The following SLC2A13 variants were observed in gnomAD, a reference collection of about 807,000 sequenced individuals.
SLC2A13 encodes the protein proton myo-inositol cotransporter.
SLC2A13 carries 32 observed loss-of-function variants against 64.4 expected under a neutral mutation model. The observed-to-expected ratio is 0.50, with a 90% CI of 0.37 to 0.67. The LOEUF is 0.67. SLC2A13 is among the 30% of genes least tolerant of loss of function. The pLI, the probability that SLC2A13 is intolerant of heterozygous loss-of-function variation, is 0.00. For missense variants in SLC2A13, 743 were observed against 829.2 expected (o/e 0.90, Z 1.28); for synonymous variants, 338 against 327.1 (o/e 1.03, Z -0.36).
intron 6 of SLC2A13, among the ~76,000 whole-genome samples, chr12:39,835,272 T>A (rs918449577): frequency 6.6e-6 from 1 of 152,042 alleles, no homozygotes; most frequent in African/African-American, 2.4e-5. Context: ...CACCCAGTTC[T>A]AAGATTGTAC....
chr12:39,971,259 G>C (rs1946641689), intron 3 of SLC2A13, among the ~76,000 whole-genome samples: 1 of 152,164 alleles, frequency 6.6e-6, no homozygotes, highest in South Asian at 2.1e-4. Flanking sequence ...CAAAGTCATT[G>C]AATCATTCGT....
intron 6 of SLC2A13, among the ~76,000 whole-genome samples, chr12:39,850,571 A>C (rs1218465285): frequency 6.6e-6 from 1 of 152,228 alleles, no homozygotes; most frequent in Non-Finnish European, 1.5e-5. Flanking sequence ...AAATAAAGTT[A>C]ACAATAATTG....
At chr12:40,045,526 T>A (rs776842735) in intron 2 of SLC2A13, among the ~76,000 whole-genome samples, 13 of 149,866 alleles carry the variant, frequency 8.7e-5, no homozygotes, top group Non-Finnish European at 1.8e-4. Context: ...GAGATAAATA[T>A]ACTGATAAGG....
chr12:39,839,637 C>T (rs1418107708), intron 6 of SLC2A13, among the ~76,000 whole-genome samples: 2 of 152,044 alleles, frequency 1.3e-5, no homozygotes, highest in Non-Finnish European at 1.5e-5. Context: ...TTTCTCCCAC[C>T]TCTCAGATAG....
At chr12:39,956,600 G>A (rs1946317623) in intron 3 of SLC2A13, among the ~76,000 whole-genome samples, 1 of 152,068 alleles carries the variant, frequency 6.6e-6, no homozygotes, top group African/African-American at 2.4e-5. Context: ...ATTCCCTTAA[G>A]TAAGAACACA....
At chr12:40,050,456 C>A (rs117992853) in intron 1 of SLC2A13, among the ~76,000 whole-genome samples, 2 of 152,234 alleles carry the variant, frequency 1.3e-5, no homozygotes, top group East Asian at 1.9e-4. Flanking sequence ...TACGTACTGA[C>A]AAAGGGTAAA....
intron 3 of SLC2A13, among the ~76,000 whole-genome samples, chr12:39,982,723 A>G (rs1183520400): frequency 6.7e-6 from 1 of 149,198 alleles, no homozygotes; most frequent in African/African-American, 2.5e-5. Flanking sequence ...GGGTAGGAAG[A>G]ATCAATATCG....
intron 6 of SLC2A13, among the ~76,000 whole-genome samples, chr12:39,858,769 G>C (rs575671794): frequency 2.9e-4 from 44 of 152,152 alleles, no homozygotes; most frequent in African/African-American, 1.0e-3. Context: ...ACCACACTTG[G>C]CTAATTTTTT....
chr12:39,945,064 A>G (rs1332839000), intron 4 of SLC2A13, among the ~76,000 whole-genome samples: 1 of 152,122 alleles, frequency 6.6e-6, no homozygotes, highest in African/African-American at 2.4e-5. Context: ...GGTAATGACA[A>G]ATTCTCTCAG....
intron 3 of SLC2A13, among the ~76,000 whole-genome samples, chr12:39,963,614 G>T (rs1946454933): frequency 6.6e-6 from 1 of 152,066 alleles, no homozygotes; most frequent in Non-Finnish European, 1.5e-5. Flanking sequence ...CCATTCCCCT[G>T]CCTTCATTTT....
At chr12:39,871,034 TA>T (rs1192785102) in intron 5 of SLC2A13, among the ~76,000 whole-genome samples, 1 of 152,176 alleles carries the variant, frequency 6.6e-6, no homozygotes, top group Non-Finnish European at 1.5e-5. Context: ...ATAAAGGAGT[TA>T]TTAGAGTATA....
chr12:39,765,327 G>A lies in SLC2A13; in HGVS notation c.1446-469C>T, dbSNP rs143718621. On this transcript the variant is annotated intron_variant, in intron 7 of 9. Transcript: ENST00000280871. ...GATGGGGTGGATGAGGGAAACAAATGATTCTATCTGATTCCAAATAGCCCT... is the reference window on the plus strand; with the variant it reads ...GATGGGGTGGATGAGGGAAACAAATAATTCTATCTGATTCCAAATAGCCCT... 6.3e-4 allele frequency among the ~76,000 whole-genome samples: 96 copies of A among 152,110 alleles called. 2 individuals are homozygous for A. The East Asian group carries it at 0.016, about 25-fold the overall frequency.
In SLC2A13 at chr12:39,951,328, T is replaced by A. The variant is rs373213953; in HGVS notation, c.963A>T (p.Pro321=). 8 of 1,611,262 alleles carry A rather than the reference T, an allele frequency of 5.0e-6. No homozygotes were observed. In the African/African-American group the frequency reaches 9.4e-5, roughly 19 times the overall value. Residue 321 remains proline (P), a synonymous_variant, in exon 4 of 10, where the codon CCA becomes CCT. Coordinates refer to ENST00000280871, the MANE Select transcript of SLC2A13 (RefSeq NM_052885.4). ...PVICRMLSYP[P]TRRALIVGCG... ...AACCCACAATTAAAGCTCGGCGAGTTGGGGGATAACTCAGCATTCTGCAGA... is the reference window on the plus strand; with the variant it reads ...AACCCACAATTAAAGCTCGGCGAGTAGGGGGATAACTCAGCATTCTGCAGA...
At chr12:40,079,748 C>A (rs1193833825) in intron 1 of SLC2A13, among the ~76,000 whole-genome samples, 1 of 152,196 alleles carries the variant, frequency 6.6e-6, no homozygotes, top group African/African-American at 2.4e-5. Context: ...CTTCATAGGT[C>A]TCTTACAAAC....
intron 3 of SLC2A13, among the ~76,000 whole-genome samples, chr12:40,005,540 G>A (rs1019805849): frequency 2.6e-5 from 4 of 152,162 alleles, no homozygotes; most frequent in Non-Finnish European, 5.9e-5. Context: ...TAAATCTGAA[G>A]TGGTTCTCAA....
chr12:39,817,404 G>C (rs1305957728), intron 7 of SLC2A13, among the ~76,000 whole-genome samples: 2 of 128,796 alleles, frequency 1.6e-5, no homozygotes, highest in African/African-American at 5.1e-5. Flanking sequence ...GGGTGTGCTG[G>C]CTTCTAGTTG....
chr12:39,765,669 A>G (rs1592114649), intron 7 of SLC2A13, among the ~76,000 whole-genome samples: 1 of 151,788 alleles, frequency 6.6e-6, no homozygotes, highest in South Asian at 2.1e-4. Flanking sequence ...TGCTCAGTCT[A>G]CCTCCTCTCA....
intron 1 of SLC2A13, among the ~76,000 whole-genome samples, chr12:40,103,232 G>T (rs1939202343): frequency 6.6e-6 from 1 of 152,170 alleles, no homozygotes; most frequent in African/African-American, 2.4e-5. Context: ...CCCCAAGTAT[G>T]CCCTATGCTT....
At chr12:39,913,444 AT>A (rs1945463663) in intron 4 of SLC2A13, among the ~76,000 whole-genome samples, 1 of 151,938 alleles carries the variant, frequency 6.6e-6, no homozygotes, top group South Asian at 2.1e-4. Flanking sequence ...CCTCCATACA[AT>A]AATAAATACA....
Sources: allele counts gnomAD v4.1 joint callset (sites outside exome capture counted in the v4.1 genomes callset), GRCh38; gene constraint gnomAD v4.1.1; transcripts MANE v1.5; gene names NCBI Gene and HGNC (gene_info 2026-07-23, HGNC 2026-07-21).